Variants in CDS2 observed in about 807,000 individuals in gnomAD.
The protein encoded by CDS2 is phosphatidate cytidylyltransferase 2.
A neutral mutation model predicts 59.0 loss-of-function variants in CDS2; 47 were observed. The observed-to-expected ratio is 0.80, with a 90% CI of 0.63 to 1.02. CDS2 has a LOEUF of 1.02. Ranked by LOEUF, CDS2 falls within the 50% of genes least tolerant of loss-of-function variation. The pLI is 0.00. For synonymous variants in CDS2, 207 were observed against 206.4 expected, an observed-to-expected ratio of 1.00 and a Z score of -0.02; for missense variants, 356 against 558.9, an observed-to-expected ratio of 0.64 and a Z score of 3.66.
chr20:5,190,820 A>C lies in CDS2; in HGVS notation c.*586A>C, dbSNP rs2091108559. ...ATGTAAGTAAGCTCTGCTTTATAAGATGGGTTCACCTTCATCGCAGACTGA... is the reference window on the plus strand; with the variant it reads ...ATGTAAGTAAGCTCTGCTTTATAAGCTGGGTTCACCTTCATCGCAGACTGA... On this transcript the variant is annotated 3_prime_UTR_variant, in exon 13 of 13. Transcript: ENST00000460006. 2 of 152,352 alleles carry C rather than the reference A, an allele frequency of 1.3e-5. No homozygotes were observed. Among genetic ancestry groups the C allele is most frequent in the African/African-American group, 4.8e-5 (2 of 41,434 alleles). 9.4% of individuals were successfully genotyped at this position (152,352 alleles called of 1,614,324 possible). A position where few individuals can be genotyped will look rare whatever the true frequency, so the allele number is the denominator to read the frequency against.
intron 1 of CDS2, among the ~76,000 whole-genome samples, chr20:5,159,477 GTATAT>G (rs1319892188): frequency 3.3e-5 from 5 of 151,984 alleles, no homozygotes; most frequent in Admixed American, 1.3e-4. Flanking sequence ...TAATTTAAAA[GTATAT>G]TATAGTTTTT....
intron 1 of CDS2, among the ~76,000 whole-genome samples, chr20:5,162,449 C>T (rs865978774): frequency 4.6e-5 from 7 of 152,112 alleles, no homozygotes; most frequent in Admixed American, 6.6e-5. Context: ...TATATAGACT[C>T]GCATGCTGTC....
chr20:5,185,450 C>T (rs1353820053), intron 8 of CDS2, among the ~76,000 whole-genome samples: 1 of 152,092 alleles, frequency 6.6e-6, no homozygotes, highest in Non-Finnish European at 1.5e-5. Flanking sequence ...AATATTTTTA[C>T]AGATTTATAT....
intron 2 of CDS2, 76 bp from the exon 3 acceptor site, chr20:5,175,107 A>G (rs1420406907): frequency 2.9e-6 from 3 of 1,037,010 alleles, no homozygotes; most frequent in Middle Eastern, 2.0e-4. Flanking sequence ...GAAGATCCAT[A>G]TCCCTTGAGT....
chr20:5,161,178 A>G (rs192509357), intron 1 of CDS2, among the ~76,000 whole-genome samples: 251 of 152,264 alleles, frequency 1.6e-3, no homozygotes, highest in African/African-American at 5.8e-3. Context: ...AACAGTGCAC[A>G]AGGGTTTCAG....
chr20:5,139,670 G>A (rs932293425), intron 1 of CDS2, among the ~76,000 whole-genome samples: 3 of 152,264 alleles, frequency 2.0e-5, no homozygotes, highest in African/African-American at 7.2e-5. Context: ...TGCCTATTCA[G>A]TATGATGTTA....
intron 1 of CDS2, among the ~76,000 whole-genome samples, chr20:5,141,076 C>A (rs2090689514): frequency 6.6e-6 from 1 of 152,212 alleles, no homozygotes; most frequent in Admixed American, 6.5e-5. Flanking sequence ...TCTCCTCCTC[C>A]CCTTTCTCCT....
intron 1 of CDS2, among the ~76,000 whole-genome samples, chr20:5,153,246 T>G (rs2090806603): frequency 6.6e-6 from 1 of 152,244 alleles, no homozygotes. Context: ...GAGTCTATCT[T>G]ATACTTTTTA....
chr20:5,168,339 C>T lies in CDS2; in HGVS notation c.58-5184C>T, dbSNP rs566386403. Reference sequence around the variant, plus strand: ...CTGAGGCAGGAGAATCGCTTGAACCCGGGAGGTGGAGGCTGCAGTGAGCCA... The same window carrying T: ...CTGAGGCAGGAGAATCGCTTGAACCTGGGAGGTGGAGGCTGCAGTGAGCCA... On this transcript the variant is annotated intron_variant, in intron 1 of 12. Coordinates refer to ENST00000460006, the MANE Select transcript of CDS2 (RefSeq NM_003818.4). Among the ~76,000 whole-genome samples the T allele has an allele frequency of 3.6e-3, 531 of 148,418 alleles. 5 individuals are homozygous for T. The highest frequency in any genetic ancestry group is 0.013 in the African/African-American group (509 of 39,966).
chr20:5,194,881 T>C lies in CDS2; in HGVS notation c.*4647T>C, dbSNP rs2091145354. On this transcript the variant is annotated 3_prime_UTR_variant, in exon 13 of 13. Transcript: ENST00000460006. ...GATTGCAATAGTATAGTGCTTAATA[T>C]GTGCCAGGCATAGTGCTAAGGGTTT... 1 of 152,162 alleles carries C rather than the reference T, an allele frequency of 6.6e-6. No individual in the cohort carries two copies. The highest frequency in any genetic ancestry group is 2.1e-4 in the South Asian group (1 of 4,824). 9.4% of individuals were successfully genotyped at this position (152,162 alleles called of 1,614,324 possible).
At chr20:5,135,629 C>T (rs1473489829) in intron 1 of CDS2, among the ~76,000 whole-genome samples, 3 of 152,178 alleles carry the variant, frequency 2.0e-5, no homozygotes, top group Admixed American at 6.5e-5. Context: ...CACCCCCTCC[C>T]CACCCCCACG....
intron 1 of CDS2, among the ~76,000 whole-genome samples, chr20:5,149,858 G>GC (rs2090774829): frequency 6.6e-6 from 1 of 152,112 alleles, no homozygotes; most frequent in Non-Finnish European, 1.5e-5. Context: ...TGGGATTACA[G>GC]GTGCCTGCCA....
chr20:5,156,085 A>G (rs2090831733), intron 1 of CDS2, among the ~76,000 whole-genome samples: 1 of 152,166 alleles, frequency 6.6e-6, no homozygotes, highest in Non-Finnish European at 1.5e-5. Flanking sequence ...ATGGTAGTGT[A>G]TGGAGAATAA....
rs114879214 is a variant in CDS2 at position 5,134,956 on chromosome 20, C to T, written c.57+7807C>T. Reference sequence around the variant, plus strand: ...GAAGATTGTATAAAACCTGCACTGTCCTACTAATGTAAAGCATTTCTCCTC... The same window carrying T: ...GAAGATTGTATAAAACCTGCACTGTTCTACTAATGTAAAGCATTTCTCCTC... On this transcript the variant is annotated intron_variant, in intron 1 of 12. Coordinates refer to ENST00000460006, the MANE Select transcript of CDS2 (RefSeq NM_003818.4). Among the ~76,000 whole-genome samples, 235 of 152,254 alleles carry T rather than the reference C, an allele frequency of 1.5e-3. 2 individuals carry two copies. The highest frequency in any genetic ancestry group is 5.5e-3 in the African/African-American group (227 of 41,532).
intron 1 of CDS2, among the ~76,000 whole-genome samples, chr20:5,141,284 T>C (rs2090691374): frequency 6.6e-6 from 1 of 152,244 alleles, no homozygotes; most frequent in South Asian, 2.1e-4. Flanking sequence ...CCCCACTTAG[T>C]CTATTAGTAT....
intron 10 of CDS2, 53 bp from the exon 11 acceptor site, chr20:5,189,014 C>G: frequency 1.9e-6 from 3 of 1,609,662 alleles, no homozygotes; most frequent in Non-Finnish European, 2.5e-6. Context: ...CAACTCAAAC[C>G]GTAACACTGG....
At chr20:5,131,111 A>T (rs2090604397) in intron 1 of CDS2, among the ~76,000 whole-genome samples, 2 of 151,332 alleles carry the variant, frequency 1.3e-5, no homozygotes, top group African/African-American at 4.9e-5. Context: ...AAAAAAAAAA[A>T]GCTCTGGAGT....
intron 2 of CDS2, among the ~76,000 whole-genome samples, chr20:5,174,033 TGA>T (rs1379617920): frequency 6.6e-6 from 1 of 152,240 alleles, no homozygotes; most frequent in Admixed American, 6.5e-5. Flanking sequence ...TGCTTTTCAC[TGA>T]GGAGTCCACG....
intron 2 of CDS2, 26 bp downstream of exon 2, chr20:5,173,685 C>CT: frequency 6.2e-7 from 1 of 1,613,256 alleles, no homozygotes; most frequent in African/African-American, 1.3e-5. Flanking sequence ...GATGCAGGTG[C>CT]TTGTTGGGGG....
Sources: gnomAD v4.1 joint callset for allele counts (sites outside exome capture counted in the v4.1 genomes callset) on GRCh38, gnomAD v4.1.1 for gene constraint, MANE v1.5 for transcripts, NCBI Gene and HGNC (gene_info 2026-07-23, HGNC 2026-07-21) for gene names.